MAP2K1: variants seen among roughly 807,000 people sequenced by gnomAD.
The protein encoded by MAP2K1 is mitogen-activated protein kinase kinase 1.
In MAP2K1, 16 loss-of-function variants were observed where a neutral mutation model predicts 46.3. The observed-to-expected ratio is 0.35, with a 90% CI of 0.23 to 0.52. The LOEUF is 0.52. MAP2K1 is among the 20% of genes least tolerant of loss of function. The probability of loss-of-function intolerance (pLI) is 0.94; values close to 1 mark genes in which losing one functional copy is unlikely to be tolerated. For synonymous variants in MAP2K1, 183 were observed against 185.6 expected (o/e 0.99, Z 0.11); for missense variants, 263 against 497.1 (o/e 0.53, Z 4.48).
intron 1 of MAP2K1, among the ~76,000 whole-genome samples, chr15:66,420,978 TACAC>T (rs1169923784): frequency 1.2e-5 from 1 of 81,156 alleles, no homozygotes; most frequent in African/African-American, 3.7e-5. Context: ...CACACATACA[TACAC>T]ACACATACAT....
intron 5 of MAP2K1, 89 bp downstream of exon 5, chr15:66,444,796 G>T (rs975622353): frequency 1.8e-6 from 2 of 1,091,914 alleles, no homozygotes; most frequent in Middle Eastern, 2.1e-4. Context: ...TTTTGTTTTC[G>T]TGTAAAAGCC....
intron 6 of MAP2K1, among the ~76,000 whole-genome samples, chr15:66,482,416 C>T (rs893710263): frequency 2.6e-5 from 4 of 152,202 alleles, no homozygotes; most frequent in Non-Finnish European, 5.9e-5. Context: ...TCTCCCTCCT[C>T]ACTATGTCTG....
At chr15:66,438,659 TC>T (rs575804287) in intron 3 of MAP2K1, among the ~76,000 whole-genome samples, 610 of 152,262 alleles carry the variant, frequency 4.0e-3, no homozygotes, top group Non-Finnish European at 7.4e-3. Flanking sequence ...GGTCAGTTTT[TC>T]CCCCCATGGA....
At chr15:66,428,773 C>CT (rs1196428468) in intron 1 of MAP2K1, among the ~76,000 whole-genome samples, 2,191 of 78,188 alleles carry the variant, frequency 0.028, 278 homozygotes, top group African/African-American at 0.039. Flanking sequence ...ATTTTCTTTC[C>CT]TTTTTTTTTT....
chr15:66,462,316 A>G (rs890470516), intron 5 of MAP2K1, among the ~76,000 whole-genome samples: 2 of 152,040 alleles, frequency 1.3e-5, no homozygotes, highest in African/African-American at 2.4e-5. Context: ...CCTGGCCAAC[A>G]TGGTGAAACC....
At chr15:66,438,944 T>C (rs35805460) in intron 3 of MAP2K1, among the ~76,000 whole-genome samples, 1 of 152,130 alleles carries the variant, frequency 6.6e-6, no homozygotes, top group South Asian at 2.1e-4. Flanking sequence ...GAATAGTCAG[T>C]CAGTGGTAGT....
intron 1 of MAP2K1, among the ~76,000 whole-genome samples, chr15:66,395,529 GTT>G (rs1030544369): frequency 7.1e-6 from 1 of 140,758 alleles, no homozygotes. Context: ...TGCTGACATG[GTT>G]TTTTTTTTTG....
rs1242392778 is a variant in MAP2K1 at position 66,428,275 on chromosome 15, T to C, written c.81-6752T>C. Among the ~76,000 whole-genome samples, 8 of 3,852 alleles carry C rather than the reference T, an allele frequency of 2.1e-3. No homozygotes were observed. In the East Asian group the frequency reaches 0.037, roughly 18 times the overall value. The allele number at this position is 3,852 out of a possible 152,430, so 2.5% of individuals were successfully genotyped here. Reference sequence around the variant, plus strand: ...ACAGAACCAACAGCAGTTGTGCGTGTGTGTGTGTGTGTGTGTGTGTGTGTG... The same window carrying C: ...ACAGAACCAACAGCAGTTGTGCGTGCGTGTGTGTGTGTGTGTGTGTGTGTG... On this transcript the variant is annotated intron_variant, in intron 1 of 10. Transcript: ENST00000307102.
rs1240761467 is a variant in MAP2K1 at position 66,420,727 on chromosome 15, G to GTATATATA, written c.81-14299_81-14298insATATATAT. Reference sequence around the variant, plus strand: ...TTGGCATATATATATATATATGTGTGTGTGTGTGTGTGTGTGTGTGTGTGT... The same window carrying GTATATATA: ...TTGGCATATATATATATATATGTGTGTATATATATGTGTGTGTGTGTGTGTGTGTGTGT... On this transcript the variant is annotated intron_variant, in intron 1 of 10. Coordinates refer to ENST00000307102, the MANE Select transcript of MAP2K1 (RefSeq NM_002755.4). Among the ~76,000 whole-genome samples, 15 of 35,102 alleles carry GTATATATA rather than the reference G, an allele frequency of 4.3e-4. 1 individual carries two copies. Among genetic ancestry groups the GTATATATA allele is most frequent in the African/African-American group, 1.4e-3 (14 of 9,738 alleles). The allele number at this position is 35,102 out of a possible 152,430, so 23.0% of individuals were successfully genotyped here. A position where few individuals can be genotyped will look rare whatever the true frequency, so the allele number is the denominator to read the frequency against.
intron 1 of MAP2K1, among the ~76,000 whole-genome samples, chr15:66,404,731 G>T (rs1243067440): frequency 6.6e-6 from 1 of 152,208 alleles, no homozygotes; most frequent in Non-Finnish European, 1.5e-5. Context: ...TCCCTGGGAA[G>T]AGTTTGTAAA....
chr15:66,459,702 C>A (rs1342193480), intron 5 of MAP2K1, among the ~76,000 whole-genome samples: 1 of 152,080 alleles, frequency 6.6e-6, no homozygotes, highest in African/African-American at 2.4e-5. Flanking sequence ...CCAGTGACAG[C>A]CTCCAGCAAA....
intron 1 of MAP2K1, among the ~76,000 whole-genome samples, chr15:66,431,545 A>G (rs1264477928): frequency 6.6e-6 from 1 of 152,090 alleles, no homozygotes; most frequent in East Asian, 1.9e-4. Flanking sequence ...CCTTTTCTCC[A>G]CTTCCACTCC....
chr15:66,466,718 A>T (rs1244668718), intron 5 of MAP2K1, among the ~76,000 whole-genome samples: 2 of 152,152 alleles, frequency 1.3e-5, no homozygotes, highest in African/African-American at 4.8e-5. Flanking sequence ...TCAATAGCTC[A>T]AAAGAAAAGT....
At position 66,435,011 on chromosome 15, in the gene MAP2K1, C is replaced by T. The variant is rs1333763216; in HGVS notation, c.81-16C>T. The T allele has an allele frequency of 1.3e-6, 2 of 1,557,680 alleles. No homozygotes were observed. Among genetic ancestry groups the T allele is most frequent in the South Asian group, 2.2e-5 (2 of 89,788 alleles). ...TCTGGTGACAGTATTGACTTGTGCT[C>T]CCCACTTTGGAACAGGACCAACTTG... On this transcript the variant is annotated splice_polypyrimidine_tract_variant and intron_variant, in intron 1 of 10. Transcript: ENST00000307102.
Position 66,490,851 on chromosome 15 carries a change from T to A in MAP2K1, c.*236T>A. ...CTTTGTGCTTGGGGCTATTTGTGTG[T>A]ATGCTGATGATCAAAACCTGTGCCA... On this transcript the variant is annotated 3_prime_UTR_variant, in exon 11 of 11. Coordinates refer to ENST00000307102, the MANE Select transcript of MAP2K1 (RefSeq NM_002755.4). 5.1e-6 allele frequency: 3 copies of A among 583,896 alleles called. No individual in the cohort carries two copies. The highest frequency in any genetic ancestry group is 9.4e-6 in the Non-Finnish European group (3 of 320,358). The allele number at this position is 583,896 out of a possible 1,614,324, so 36.2% of individuals were successfully genotyped here. A position where few individuals can be genotyped will look rare whatever the true frequency, so the allele number is the denominator to read the frequency against.
chr15:66,403,892 G>T (rs1464876236), intron 1 of MAP2K1, among the ~76,000 whole-genome samples: 1 of 152,104 alleles, frequency 6.6e-6, no homozygotes, highest in Non-Finnish European at 1.5e-5. Flanking sequence ...CAGTCCTCAA[G>T]AATGTCCTTA....
chr15:66,414,435 G>C (rs1242954975), intron 1 of MAP2K1, among the ~76,000 whole-genome samples: 2 of 152,166 alleles, frequency 1.3e-5, no homozygotes, highest in African/African-American at 4.8e-5. Flanking sequence ...ATCAGGAGCA[G>C]CCAAAAGAAG....
At chr15:66,480,462 C>T (rs1046305612) in intron 5 of MAP2K1, among the ~76,000 whole-genome samples, 17 of 152,062 alleles carry the variant, frequency 1.1e-4, no homozygotes, top group Middle Eastern at 3.2e-3. Flanking sequence ...AATAGCCAGC[C>T]ATGGTGACTC....
chr15:66,468,361 C>A (rs540961685), intron 5 of MAP2K1, among the ~76,000 whole-genome samples: 20 of 152,142 alleles, frequency 1.3e-4, no homozygotes, highest in Admixed American at 1.1e-3. Flanking sequence ...GCTCCTAAAT[C>A]TGCGTATTGA....
Sources: allele counts gnomAD v4.1 joint callset (sites outside exome capture counted in the v4.1 genomes callset), GRCh38; gene constraint gnomAD v4.1.1; transcripts MANE v1.5; gene names NCBI Gene and HGNC (gene_info 2026-07-23, HGNC 2026-07-21).